Variants in PDE11A observed in about 807,000 individuals in gnomAD.
The protein encoded by PDE11A is phosphodiesterase 11A, also known as dual 3',5'-cyclic-AMP and -GMP phosphodiesterase 11A.
Under a neutral mutation model 100.5 loss-of-function variants are expected in PDE11A, and 100 were observed. That is an observed-to-expected ratio of 1.00 (90% CI 0.85 to 1.18). PDE11A has a LOEUF of 1.18. PDE11A is among the 50% of genes most tolerant of loss of function. PDE11A has a pLI of 0.00. For synonymous variants in PDE11A, 381 were observed against 420.8 expected (o/e 0.91, Z 1.16); for missense variants, 1,141 against 1,152.6 (o/e 0.99, Z 0.15).
intron 2 of PDE11A, among the ~76,000 whole-genome samples, chr2:177,931,357 C>T (rs7588301): frequency 0.1 from 15,927 of 152,160 alleles, 1,145 homozygotes; most frequent in Non-Finnish European, 0.15. Flanking sequence ...TGCATTCTCC[C>T]ACATATTTAT....
In PDE11A at chr2:177,707,240, T is replaced by G. The variant is rs181667040; in HGVS notation, c.2153+4529A>C. 1.4e-4 allele frequency among the ~76,000 whole-genome samples: 22 copies of G among 152,304 alleles called. No homozygotes were observed. The East Asian group carries it at 4.2e-3, about 29-fold the overall frequency. ...AAAATGGAGACAAGAATATCAACTC[T>G]AAAGAGTTGATGTTGGTAAGGGCTT... is the stretch of plus-strand genomic sequence containing the variant. On this transcript the variant is annotated intron_variant, in intron 13 of 19. Transcript: ENST00000286063.
intron 9 of PDE11A, 46 bp from the exon 10 acceptor site, chr2:177,769,419 G>T: frequency 8.9e-7 from 1 of 1,118,646 alleles, no homozygotes; most frequent in Non-Finnish European, 1.4e-6. Flanking sequence ...AGACATGACT[G>T]TATTTTCTGA....
intron 2 of PDE11A, among the ~76,000 whole-genome samples, chr2:177,910,573 C>G (rs1181367084): frequency 6.6e-6 from 1 of 152,016 alleles, no homozygotes; most frequent in African/African-American, 2.4e-5. Context: ...TCTAAAAAGC[C>G]TTAATGACTA....
intron 2 of PDE11A, among the ~76,000 whole-genome samples, chr2:177,958,215 G>C (rs1209026070): frequency 1.3e-5 from 2 of 152,014 alleles, no homozygotes; most frequent in South Asian, 4.1e-4. Flanking sequence ...AAAATAAATA[G>C]AATCCTCTAG....
intron 4 of PDE11A, among the ~76,000 whole-genome samples, chr2:177,878,004 A>T (rs1278459663): frequency 1.9e-5 from 1 of 52,010 alleles, no homozygotes; most frequent in Non-Finnish European, 3.8e-5. Flanking sequence ...TTAAATATTT[A>T]AAAAAGCTTT....
intron 1 of PDE11A, among the ~76,000 whole-genome samples, chr2:178,054,709 A>G (rs915766788): frequency 6.6e-6 from 1 of 152,250 alleles, no homozygotes. Flanking sequence ...ACACTTCTCC[A>G]AAGAAGACAT....
intron 2 of PDE11A, among the ~76,000 whole-genome samples, chr2:177,946,999 C>T (rs2085446835): frequency 7.7e-6 from 1 of 129,198 alleles, no homozygotes; most frequent in African/African-American, 2.9e-5. Flanking sequence ...GCCGCCCCGT[C>T]CGGGAAGGAG....
intron 5 of PDE11A, among the ~76,000 whole-genome samples, chr2:177,850,905 T>A (rs1199739873): frequency 6.6e-6 from 1 of 152,258 alleles, no homozygotes; most frequent in African/African-American, 2.4e-5. Context: ...GGAAAGGATG[T>A]GGAGAAATAG....
intron 2 of PDE11A, among the ~76,000 whole-genome samples, chr2:178,093,464 C>T (rs1191889135): frequency 6.6e-6 from 1 of 152,098 alleles, no homozygotes; most frequent in Non-Finnish European, 1.5e-5. Context: ...CCATCAAAAT[C>T]CATGATTTCA....
chr2:177,677,607 A>AG (rs2080797541), intron 16 of PDE11A, among the ~76,000 whole-genome samples: 1 of 152,188 alleles, frequency 6.6e-6, no homozygotes, highest in South Asian at 2.1e-4. Flanking sequence ...GGTTTGAAGA[A>AG]GGAGAGGGTG....
intron 12 of PDE11A, among the ~76,000 whole-genome samples, chr2:177,712,449 T>C (rs1021406987): frequency 6.6e-6 from 1 of 151,840 alleles, no homozygotes; most frequent in Non-Finnish European, 1.5e-5. Context: ...TCATATTAGG[T>C]TGGTAGACAG....
chr2:177,693,167 C>T (rs200454825), intron 15 of PDE11A, among the ~76,000 whole-genome samples: 2 of 152,214 alleles, frequency 1.3e-5, no homozygotes, highest in Non-Finnish European at 2.9e-5. Context: ...CCTCTCCTGC[C>T]ATTGCTGCTA....
chr2:177,991,918 C>G (rs1369808176), intron 2 of PDE11A, among the ~76,000 whole-genome samples: 1 of 151,106 alleles, frequency 6.6e-6, no homozygotes, highest in Non-Finnish European at 1.5e-5. Flanking sequence ...ATTCTCAGCT[C>G]CAGTCCGACA....
chr2:177,835,534 C>T (rs2083382860), intron 6 of PDE11A, among the ~76,000 whole-genome samples: 1 of 152,236 alleles, frequency 6.6e-6, no homozygotes, highest in South Asian at 2.1e-4. Flanking sequence ...CCCTCGCTTG[C>T]TCTTGGCACC....
chr2:177,689,999 A>G (rs555279713), intron 15 of PDE11A, among the ~76,000 whole-genome samples: 1 of 152,302 alleles, frequency 6.6e-6, no homozygotes, highest in African/African-American at 2.4e-5. Flanking sequence ...GAGTCCCTGA[A>G]GGTAAGAACC....
chr2:177,838,769 T>C (rs976906201), intron 6 of PDE11A, among the ~76,000 whole-genome samples: 1 of 152,246 alleles, frequency 6.6e-6, no homozygotes, highest in Non-Finnish European at 1.5e-5. Context: ...TTGACATCTG[T>C]AAATCATTTT....
chr2:177,799,212 T>C (rs1178963599), intron 9 of PDE11A, among the ~76,000 whole-genome samples: 2 of 152,204 alleles, frequency 1.3e-5, no homozygotes, highest in African/African-American at 4.8e-5. Context: ...AGGGAGAGTC[T>C]AAGGAGACAT....
chr2:177,880,250 A>G (rs748154155), intron 4 of PDE11A, among the ~76,000 whole-genome samples: 6 of 152,346 alleles, frequency 3.9e-5, no homozygotes, highest in Admixed American at 1.3e-4. Flanking sequence ...GGGGGCTTCA[A>G]GCCACACCAA....
intron 12 of PDE11A, among the ~76,000 whole-genome samples, chr2:177,715,172 G>A (rs1052960726): frequency 6.6e-6 from 1 of 152,194 alleles, no homozygotes; most frequent in African/African-American, 2.4e-5. Context: ...CTCGTACTCA[G>A]TGTGCCTCAC....
Sources: gnomAD v4.1 joint callset for allele counts (sites outside exome capture counted in the v4.1 genomes callset) on GRCh38, gnomAD v4.1.1 for gene constraint, MANE v1.5 for transcripts, NCBI Gene and HGNC (gene_info 2026-07-23, HGNC 2026-07-21) for gene names.